RRBP1: variants seen among roughly 807,000 people sequenced by gnomAD.
RRBP1 encodes the protein ribosome binding protein 1, also known as ribosome-binding protein 1.
RRBP1 carries 94 observed loss-of-function variants against 165.2 expected under a neutral mutation model. The ratio of observed to expected loss-of-function variants is 0.57; its 90% CI spans 0.48 to 0.68. The LOEUF is 0.68. Ranked by LOEUF, RRBP1 falls within the 30% of genes least tolerant of loss-of-function variation. RRBP1 has a pLI of 0.00. For missense variants in RRBP1, 1,676 were observed against 1,763.0 expected, an observed-to-expected ratio of 0.95 and a Z score of 0.88; for synonymous variants, 680 against 714.5, an observed-to-expected ratio of 0.95 and a Z score of 0.77.
intron 3 of RRBP1, among the ~76,000 whole-genome samples, chr20:17,650,815 A>G (rs989617296): frequency 1.3e-5 from 2 of 152,222 alleles, no homozygotes; most frequent in Non-Finnish European, 2.9e-5. Context: ...GGTGATTAGT[A>G]CAAGATCAGG....
At position 17,625,122 on chromosome 20, in the gene RRBP1, C is replaced by T. The variant is rs2035991812; in HGVS notation, c.3054+390G>A. ...CAAGCCCGGCTCTGTGAGAAGGGGGCAGGAGGGTGTGGCCGAGGCCACACC... is the reference window on the plus strand; with the variant it reads ...CAAGCCCGGCTCTGTGAGAAGGGGGTAGGAGGGTGTGGCCGAGGCCACACC... On this transcript the variant is annotated intron_variant, in intron 12 of 24. Transcript: ENST00000377813. Among the ~76,000 whole-genome samples, 9 of 152,174 alleles carry T rather than the reference C, an allele frequency of 5.9e-5. No individual in the cohort carries two copies. The South Asian group carries it at 1.9e-3, about 32-fold the overall frequency.
intron 5 of RRBP1, among the ~76,000 whole-genome samples, chr20:17,640,832 AAAGT>A (rs761968383): frequency 5.4e-4 from 82 of 152,238 alleles, no homozygotes; most frequent in Non-Finnish European, 8.7e-4. Flanking sequence ...TTTGCGACAA[AAAGT>A]AAGGCTGCCT....
At position 17,633,565 on chromosome 20, in the gene RRBP1, G is replaced by C. The variant is rs367560171; in HGVS notation, c.2505C>G (p.Ser835Arg). 6.4e-5 allele frequency: 103 copies of C among 1,613,924 alleles called. No individual in the cohort carries two copies. The highest frequency in any genetic ancestry group is 8.5e-5 in the Non-Finnish European group (100 of 1,180,040). The change falls in exon 8 of 25, where the codon AGC becomes AGG. Residue 835 changes from serine (S) to arginine (R), a missense_variant. Physicochemically the swap from Ser to Arg is moderately radical, Grantham distance 110 (BLOSUM62 -1). Around this residue, in one of 5 missense-constraint regions of RRBP1, gnomAD observed 1,184 missense variants for 1,167.1 expected, o/e 1.01. Coordinates refer to ENST00000377813, the MANE Select transcript of RRBP1 (RefSeq NM_001365613.2). The stretch of plus-strand genomic sequence containing the variant: ...CCTCTGACTTCTCCACCAGCTCTTT[G>C]CTGACCTTGCTGAGCTCCTGCCGAA... ...AKLRQELSKV[S>R]KELVEKSEAV...
At chr20:17,630,484 A>T (rs1568762057) in intron 8 of RRBP1, among the ~76,000 whole-genome samples, 1 of 152,198 alleles carries the variant, frequency 6.6e-6, no homozygotes, top group Non-Finnish European at 1.5e-5. Flanking sequence ...TACCTACAAA[A>T]ATGGCAATTT....
chr20:17,679,128 A>G (rs1291778567), intron 2 of RRBP1, among the ~76,000 whole-genome samples: 1 of 152,242 alleles, frequency 6.6e-6, no homozygotes, highest in African/African-American at 2.4e-5. Flanking sequence ...GGACCTCCAC[A>G]TTCTCATCCA....
chr20:17,660,784 C>T (rs1336035958), intron 2 of RRBP1, among the ~76,000 whole-genome samples: 1 of 152,228 alleles, frequency 6.6e-6, no homozygotes, highest in Non-Finnish European at 1.5e-5. Context: ...GGAGGCCTAT[C>T]TCTGGAGCAC....
intron 23 of RRBP1, among the ~76,000 whole-genome samples, chr20:17,615,161 G>A (rs570400721): frequency 9.2e-5 from 14 of 152,228 alleles, no homozygotes; most frequent in South Asian, 2.1e-4. Context: ...TGACTACTGA[G>A]CGCTGGACGT....
chr20:17,678,200 CT>C, intron 2 of RRBP1, among the ~76,000 whole-genome samples: 1 of 152,232 alleles, frequency 6.6e-6, no homozygotes, highest in Non-Finnish European at 1.5e-5. Context: ...TAGGAGGCCC[CT>C]GAACTAATTT....
intron 7 of RRBP1, 106 bp from the exon 8 acceptor site, chr20:17,633,719 C>G: frequency 8.2e-7 from 1 of 1,212,154 alleles, no homozygotes; most frequent in Admixed American, 2.4e-5. Flanking sequence ...AAGCAGTTGC[C>G]CAAGTCTTGA....
intron 2 of RRBP1, among the ~76,000 whole-genome samples, chr20:17,677,009 A>G (rs1251359519): frequency 6.6e-6 from 1 of 152,118 alleles, no homozygotes; most frequent in African/African-American, 2.4e-5. Context: ...TGGCCTCCCA[A>G]AGTGCTGGGA....
chr20:17,618,729 G>T, intron 19 of RRBP1, 50 bp from the exon 20 acceptor site: 1 of 1,426,822 alleles, frequency 7.0e-7, no homozygotes, highest in Non-Finnish European at 9.9e-7. Context: ...GAGAAAAGGA[G>T]AAAACCAGTC....
chr20:17,630,542 C>T (rs1460215989), intron 8 of RRBP1, among the ~76,000 whole-genome samples: 24 of 152,216 alleles, frequency 1.6e-4, no homozygotes, highest in Admixed American at 1.6e-3. Flanking sequence ...TCAGGACAGA[C>T]AGGCCCACCA....
At chr20:17,625,430 G>T in intron 12 of RRBP1, 82 bp downstream of exon 12, 2 of 1,193,046 alleles carry the variant, frequency 1.7e-6, no homozygotes, top group South Asian at 2.5e-5. Flanking sequence ...AGTCCAGGGC[G>T]GGTGCCACAT....
intron 24 of RRBP1, 67 bp downstream of exon 24, chr20:17,614,670 G>A (rs879312143): frequency 4.6e-5 from 73 of 1,588,368 alleles, no homozygotes; most frequent in Non-Finnish European, 5.6e-5. Context: ...TGCCTCTCCC[G>A]GTCCTGCCTC....
At chr20:17,636,839 A>AC in intron 5 of RRBP1, 110 bp from the exon 6 acceptor site, 1 of 1,353,764 alleles carries the variant, frequency 7.4e-7, no homozygotes, top group Non-Finnish European at 1.0e-6. Flanking sequence ...CAGAGCACAG[A>AC]CCCCTCCTGC....
intron 2 of RRBP1, among the ~76,000 whole-genome samples, chr20:17,664,229 C>T (rs1600775606): frequency 6.6e-6 from 1 of 152,168 alleles, no homozygotes; most frequent in South Asian, 2.1e-4. Flanking sequence ...GCTGAGAGGG[C>T]CACCAAGTGA....
At chr20:17,622,372 A>G (rs1358558943) in intron 13 of RRBP1, among the ~76,000 whole-genome samples, 1 of 152,110 alleles carries the variant, frequency 6.6e-6, no homozygotes, top group Admixed American at 6.5e-5. Context: ...CATGGCCCCC[A>G]ATGTTTTGGA....
chr20:17,628,531 G>A (rs2036078190), intron 9 of RRBP1, among the ~76,000 whole-genome samples: 1 of 152,184 alleles, frequency 6.6e-6, no homozygotes, highest in Non-Finnish European at 1.5e-5. Context: ...TCAGTGTCCA[G>A]AAGCGCACAT....
chr20:17,651,189 C>T (rs564225976), intron 3 of RRBP1, among the ~76,000 whole-genome samples: 1 of 152,322 alleles, frequency 6.6e-6, no homozygotes, highest in Admixed American at 6.5e-5. Flanking sequence ...GTTTATAATG[C>T]TCCCTGCTCC....
Sources: allele counts gnomAD v4.1 joint callset (sites outside exome capture counted in the v4.1 genomes callset), GRCh38; gene constraint gnomAD v4.1.1; regional missense constraint gnomAD v4.1.1; transcripts MANE v1.5; gene names NCBI Gene and HGNC (gene_info 2026-07-23, HGNC 2026-07-21).